FAM174B: variants seen among roughly 807,000 people sequenced by gnomAD.
The protein encoded by FAM174B is membrane protein FAM174B.
In FAM174B, 12 loss-of-function variants were observed where a neutral mutation model predicts 10.9. The ratio of observed to expected loss-of-function variants is 1.10; its 90% CI spans 0.71 to 1.79. The LOEUF is 1.79. Ranked by LOEUF, FAM174B falls within the 40% of genes most tolerant of loss-of-function variation. The pLI is 0.00. For missense variants in FAM174B, 266 were observed against 233.3 expected (o/e 1.14, Z -0.91); for synonymous variants, 132 against 115.8 (o/e 1.14, Z -0.90).
chr15:92,642,083 A>T (rs553234664), intron 1 of FAM174B, among the ~76,000 whole-genome samples: 1 of 152,262 alleles, frequency 6.6e-6, no homozygotes, highest in Non-Finnish European at 1.5e-5. Flanking sequence ...ATGACTAGCC[A>T]TCAATGCATT....
At chr15:92,630,557 C>A (rs1375273506) in intron 1 of FAM174B, among the ~76,000 whole-genome samples, 1 of 151,860 alleles carries the variant, frequency 6.6e-6, no homozygotes, top group Non-Finnish European at 1.5e-5. Flanking sequence ...TCGGTTAACA[C>A]CCTGCTGCCC....
intron 1 of FAM174B, among the ~76,000 whole-genome samples, chr15:92,644,155 C>T (rs2050910602): frequency 6.6e-6 from 1 of 152,172 alleles, no homozygotes; most frequent in African/African-American, 2.4e-5. Context: ...CAGCCCTAGC[C>T]TCTGCCCCAC....
chr15:92,646,268 T>C lies in FAM174B; in HGVS notation c.344+9048A>G, dbSNP rs563610679. Among the ~76,000 whole-genome samples the C allele has an allele frequency of 9.7e-4, 148 of 152,206 alleles. 1 individual carries two copies. In the South Asian group the frequency reaches 0.011, roughly 12 times the overall value. On this transcript the variant is annotated intron_variant, in intron 1 of 2. Coordinates refer to ENST00000327355, the MANE Select transcript of FAM174B (RefSeq NM_207446.3). The stretch of plus-strand genomic sequence containing the variant: ...TTACTTCACTCTTGTATTAAAATCC[T>C]CCATTTGCTCCTCTCACCCACTACA...
intron 1 of FAM174B, among the ~76,000 whole-genome samples, chr15:92,631,820 A>G (rs2050820999): frequency 1.2e-5 from 1 of 81,246 alleles, no homozygotes; most frequent in Admixed American, 1.8e-4. Context: ...TTAAGAAGGC[A>G]AAATACATGC....
intron 1 of FAM174B, among the ~76,000 whole-genome samples, chr15:92,654,798 A>AG (rs2050989954): frequency 1.3e-5 from 2 of 149,794 alleles, no homozygotes; most frequent in South Asian, 2.1e-4. Context: ...AAAAAAAAAA[A>AG]AAAGAAGAAG....
At chr15:92,630,136 G>A in intron 2 of FAM174B, 78 bp downstream of exon 2, 1 of 1,475,930 alleles carries the variant, frequency 6.8e-7, no homozygotes, top group Non-Finnish European at 9.4e-7. Context: ...AAGAACACAT[G>A]GACACCATGC....
intron 2 of FAM174B, 125 bp downstream of exon 2, chr15:92,630,089 G>T: frequency 2.3e-6 from 2 of 868,170 alleles, no homozygotes; most frequent in Non-Finnish European, 1.8e-6. Context: ...CTCTCCACGT[G>T]CAGAACACCC....
chr15:92,651,745 A>G (rs528241180), intron 1 of FAM174B, among the ~76,000 whole-genome samples: 1 of 152,378 alleles, frequency 6.6e-6, no homozygotes, highest in South Asian at 2.1e-4. Context: ...TTGCACTTGC[A>G]TCTTGGCTTT....
intron 1 of FAM174B, among the ~76,000 whole-genome samples, chr15:92,631,255 A>T (rs370658197): frequency 0.057 from 129 of 2,274 alleles, 24 homozygotes; most frequent in East Asian, 0.16. Context: ...TATTATATAT[A>T]ATATATTATA....
intron 2 of FAM174B, among the ~76,000 whole-genome samples, chr15:92,622,365 C>T (rs913222577): frequency 6.6e-6 from 1 of 152,230 alleles, no homozygotes; most frequent in African/African-American, 2.4e-5. Flanking sequence ...GCCTGGACAC[C>T]AGCTCTCTGG....
chr15:92,631,392 A>AT (rs2050813071), intron 1 of FAM174B, among the ~76,000 whole-genome samples: 1 of 31,474 alleles, frequency 3.2e-5, no homozygotes, highest in Non-Finnish European at 4.9e-5. Context: ...TATATATTAT[A>AT]TATTATATTA....
chr15:92,645,262 C>T (rs1181893791), intron 1 of FAM174B, among the ~76,000 whole-genome samples: 1 of 152,244 alleles, frequency 6.6e-6, no homozygotes, highest in Non-Finnish European at 1.5e-5. Flanking sequence ...TGGGCACCAT[C>T]CCATTGGGGT....
chr15:92,644,573 C>T (rs184769420), intron 1 of FAM174B, among the ~76,000 whole-genome samples: 1 of 152,092 alleles, frequency 6.6e-6, no homozygotes, highest in Non-Finnish European at 1.5e-5. Context: ...CCTAGGGCAC[C>T]CCCTCCCCAC....
At chr15:92,632,773 C>T (rs1463538943) in intron 1 of FAM174B, among the ~76,000 whole-genome samples, 2 of 152,042 alleles carry the variant, frequency 1.3e-5, no homozygotes, top group Non-Finnish European at 2.9e-5. Flanking sequence ...CCTCCCGCCT[C>T]AGCCTCTCAG....
At chr15:92,620,074 T>C (rs1426081668) in intron 2 of FAM174B, 1 of 153,628 alleles carries the variant, frequency 6.5e-6, no homozygotes, top group African/African-American at 2.4e-5. Context: ...CCATGGGCCA[T>C]AGTTTGCTGA....
chr15:92,643,344 ATGTGTGTGTGTG>A (rs61322216), intron 1 of FAM174B, among the ~76,000 whole-genome samples: 1 of 138,090 alleles, frequency 7.2e-6, no homozygotes, highest in African/African-American at 2.6e-5. Context: ...TAGGGAAGGA[ATGTGTGTGTGTG>A]TGTGTGTGTG....
chr15:92,635,924 C>T (rs977189352), intron 1 of FAM174B, among the ~76,000 whole-genome samples: 12 of 152,266 alleles, frequency 7.9e-5, no homozygotes, highest in African/African-American at 2.6e-4. Flanking sequence ...ACTAACTATG[C>T]ACCAGTCAGA....
At chr15:92,631,442 A>C (rs1325734485) in intron 1 of FAM174B, among the ~76,000 whole-genome samples, 1 of 72,684 alleles carries the variant, frequency 1.4e-5, no homozygotes, top group Non-Finnish European at 2.4e-5. Context: ...AATATATTAT[A>C]TATATAACAT....
chr15:92,651,301 C>G (rs1290152418), intron 1 of FAM174B, among the ~76,000 whole-genome samples: 1 of 152,178 alleles, frequency 6.6e-6, no homozygotes, highest in Non-Finnish European at 1.5e-5. Context: ...ACCCCAGATG[C>G]TCTCATACTG....
Sources: gnomAD v4.1 joint callset for allele counts (sites outside exome capture counted in the v4.1 genomes callset) on GRCh38, gnomAD v4.1.1 for gene constraint, MANE v1.5 for transcripts, NCBI Gene and HGNC (gene_info 2026-07-23, HGNC 2026-07-21) for gene names.